The following CIBAR1 variants were observed in gnomAD, a reference collection of about 807,000 sequenced individuals.
CIBAR1 encodes CBY1-interacting BAR domain-containing protein 1.
A neutral mutation model predicts 44.0 loss-of-function variants in CIBAR1; 25 were observed. The observed-to-expected ratio is 0.57, with a 90% CI of 0.41 to 0.79. The LOEUF (loss-of-function observed/expected upper bound fraction) is 0.79. CIBAR1 is among the 30% of genes least tolerant of loss of function. The pLI is 0.00. For missense variants in CIBAR1, 278 were observed against 344.8 expected, an observed-to-expected ratio of 0.81 and a Z score of 1.53; for synonymous variants, 115 against 119.0, an observed-to-expected ratio of 0.97 and a Z score of 0.22.
intron 6 of CIBAR1, among the ~76,000 whole-genome samples, chr8:93,716,844 C>T (rs1811054935): frequency 6.6e-6 from 1 of 152,298 alleles, no homozygotes; most frequent in Admixed American, 6.5e-5. Flanking sequence ...CTTTAATTTT[C>T]AAATGGATAA....
intron 6 of CIBAR1, among the ~76,000 whole-genome samples, chr8:93,716,559 T>C (rs980263985): frequency 6.6e-6 from 1 of 152,172 alleles, no homozygotes; most frequent in Non-Finnish European, 1.5e-5. Flanking sequence ...ATTCTTTATA[T>C]TGAGAAAATT....
At chr8:93,708,130 C>A in intron 5 of CIBAR1, 114 bp downstream of exon 5, 1 of 674,020 alleles carries the variant, frequency 1.5e-6, no homozygotes, top group Non-Finnish European at 2.3e-6. Flanking sequence ...CACAGTATTA[C>A]TTATCACAGA....
At chr8:93,719,935 A>T (rs368625007) in intron 7 of CIBAR1, 1 of 151,670 alleles carries the variant, frequency 6.6e-6, no homozygotes, top group Non-Finnish European at 1.5e-5. Context: ...GGAAGTGTCT[A>T]CCACTTAACA....
chr8:93,719,608 CTG>C (rs1310470631), intron 7 of CIBAR1: 1 of 152,182 alleles, frequency 6.6e-6, no homozygotes, highest in Non-Finnish European at 1.5e-5. Flanking sequence ...TTCTGACTGA[CTG>C]TGTAATGTAA....
At position 93,730,703 on chromosome 8, in the gene CIBAR1, T is replaced by C. The variant is rs1487320798; in HGVS notation, c.*2406T>C. ...TACTCCTGCCATGGCCAATTTGTTATTGACATATCACTAAAGGCAGAGTTG... is the reference window on the plus strand; with the variant it reads ...TACTCCTGCCATGGCCAATTTGTTACTGACATATCACTAAAGGCAGAGTTG... On this transcript the variant is annotated 3_prime_UTR_variant, in exon 9 of 9. Transcript: ENST00000518322. 3 of 139,512 alleles carry C rather than the reference T, an allele frequency of 2.2e-5. No individual in the cohort carries two copies. Among genetic ancestry groups the C allele is most frequent in the Admixed American group, 7.8e-5 (1 of 12,840 alleles). 8.6% of individuals were successfully genotyped at this position (139,512 alleles called of 1,614,324 possible). A position where few individuals can be genotyped will look rare whatever the true frequency, so the allele number is the denominator to read the frequency against.
intron 6 of CIBAR1, among the ~76,000 whole-genome samples, chr8:93,714,696 C>T (rs978009677): frequency 3.3e-5 from 5 of 151,550 alleles, no homozygotes; most frequent in African/African-American, 1.2e-4. Flanking sequence ...GTTGCCCAGG[C>T]TTGTCTCAAA....
rs1449366126 is a variant in CIBAR1 at position 93,730,647 on chromosome 8, T to A, written c.*2350T>A. On this transcript the variant is annotated 3_prime_UTR_variant, in exon 9 of 9. Transcript: ENST00000518322. ...ACAACAGGAGGGGAATTCCTTGATT[T>A]GCTGCATTTATCACTTTCCATGGTG... The A allele has an allele frequency of 2.0e-5, 3 of 152,192 alleles. No individual in the cohort carries two copies. The highest frequency in any genetic ancestry group is 2.9e-5 in the Non-Finnish European group (2 of 68,028). The allele number at this position is 152,192 out of a possible 1,614,324, so 9.4% of individuals were successfully genotyped here. A position where few individuals can be genotyped will look rare whatever the true frequency, so the allele number is the denominator to read the frequency against.
intron 7 of CIBAR1, chr8:93,719,737 C>T (rs1018107166): frequency 3.9e-5 from 6 of 152,178 alleles, no homozygotes; most frequent in Non-Finnish European, 5.9e-5. Context: ...ATATCAAAGA[C>T]TGGTCCTCAA....
chr8:93,708,822 T>C (rs958557461), intron 5 of CIBAR1, among the ~76,000 whole-genome samples: 9 of 152,208 alleles, frequency 5.9e-5, no homozygotes, highest in African/African-American at 2.2e-4. Flanking sequence ...GTTATATACC[T>C]GCTAACTCAA....
chr8:93,716,307 G>A (rs1811033400), intron 6 of CIBAR1, among the ~76,000 whole-genome samples: 1 of 151,128 alleles, frequency 6.6e-6, no homozygotes, highest in Admixed American at 6.6e-5. Context: ...GCCTCCCAAA[G>A]TGCCAGGATT....
intron 8 of CIBAR1, chr8:93,726,785 T>C (rs1811529528): frequency 5.0e-6 from 2 of 396,314 alleles, no homozygotes; most frequent in South Asian, 4.5e-5. Context: ...AGATGTGTTA[T>C]CTGCTATAAT....
In CIBAR1 at chr8:93,700,604, C is replaced by A. The variant is rs556108514; in HGVS notation, c.-44C>A. ...GCGCGCCCAGGCGCCTTGGAATCCC[C>A]GTCCTTGGGCCCCCGCAAGGTCCCC... On this transcript the variant is annotated 5_prime_UTR_variant, in exon 1 of 9. Coordinates refer to ENST00000518322, the MANE Select transcript of CIBAR1 (RefSeq NM_145269.5). 10 of 1,472,138 alleles carry A rather than the reference C, an allele frequency of 6.8e-6. No homozygotes were observed. The South Asian group carries it at 9.2e-5, about 13-fold the overall frequency. 91.2% of individuals were successfully genotyped at this position (1,472,138 alleles called of 1,614,324 possible).
intron 5 of CIBAR1, among the ~76,000 whole-genome samples, chr8:93,708,611 A>AT (rs1324585984): frequency 1.9e-4 from 29 of 152,176 alleles, no homozygotes; most frequent in Non-Finnish European, 3.2e-4. Context: ...TAGTGTATTT[A>AT]TTTTTTGTAA....
Position 93,727,081 on chromosome 8 carries a change from A to C in CIBAR1, c.777+568A>C, listed in dbSNP as rs150941339. 5.2e-5 allele frequency: 32 copies of C among 619,044 alleles called. 1 individual carries two copies. The East Asian group carries it at 1.8e-3, about 35-fold the overall frequency. 38.3% of individuals were successfully genotyped at this position (619,044 alleles called of 1,614,324 possible). ...CTATAAATAACAACTGTTAAGTAAC[A>C]CATAAAGCAGTATGACTGTGTTCTA... On this transcript the variant is annotated intron_variant, in intron 8 of 8. Coordinates refer to ENST00000518322, the MANE Select transcript of CIBAR1 (RefSeq NM_145269.5).
intron 5 of CIBAR1, among the ~76,000 whole-genome samples, chr8:93,709,039 G>A (rs1304574369): frequency 6.6e-6 from 1 of 152,168 alleles, no homozygotes; most frequent in Non-Finnish European, 1.5e-5. Flanking sequence ...TGCACTTCGG[G>A]AGGCTGAGGC....
chr8:93,717,420 A>G lies in CIBAR1; in HGVS notation c.544-1255A>G, dbSNP rs756080652. ...TTTATCCATCAGTTGCCAGCCTGGT[A>G]TACCTGAGCCCTCTATAACTTACAT... On this transcript the variant is annotated intron_variant, in intron 6 of 8. Coordinates refer to ENST00000518322, the MANE Select transcript of CIBAR1 (RefSeq NM_145269.5). Among the ~76,000 whole-genome samples, 3 of 152,236 alleles carry G rather than the reference A, an allele frequency of 2.0e-5. No individual in the cohort carries two copies. The South Asian group carries it at 6.2e-4, about 31-fold the overall frequency.
intron 6 of CIBAR1, among the ~76,000 whole-genome samples, chr8:93,713,340 C>T (rs1476582096): frequency 6.6e-6 from 1 of 151,924 alleles, no homozygotes; most frequent in African/African-American, 2.4e-5. Context: ...GCTCCTTTAC[C>T]CTTATTTTAA....
At chr8:93,701,832 G>C in intron 2 of CIBAR1, 1 of 228,026 alleles carries the variant, frequency 4.4e-6, no homozygotes, top group Admixed American at 5.2e-5. Context: ...TGGAAATGTT[G>C]GGAATGGTAA....
chr8:93,705,963 A>G (rs760200731), intron 4 of CIBAR1: 1 of 152,134 alleles, frequency 6.6e-6, no homozygotes, highest in Admixed American at 6.6e-5. Flanking sequence ...AAAAAAAAGA[A>G]AAAGAGAAAG....
Sources: gnomAD v4.1 joint callset for allele counts (sites outside exome capture counted in the v4.1 genomes callset) on GRCh38, gnomAD v4.1.1 for gene constraint, MANE v1.5 for transcripts, NCBI Gene and HGNC (gene_info 2026-07-23, HGNC 2026-07-21) for gene names.